PPP4R3A: variants seen among roughly 807,000 people sequenced by gnomAD.
The protein encoded by PPP4R3A is serine/threonine-protein phosphatase 4 regulatory subunit 3A.
Under a neutral mutation model 91.7 loss-of-function variants are expected in PPP4R3A, and 15 were observed. That is an observed-to-expected ratio of 0.16 (90% CI 0.11 to 0.25). PPP4R3A has a LOEUF of 0.25. PPP4R3A is among the 10% of genes least tolerant of loss of function. The probability of loss-of-function intolerance (pLI) is 1.00; values close to 1 mark genes in which losing one functional copy is unlikely to be tolerated. For synonymous variants in PPP4R3A, 377 were observed against 348.7 expected, an observed-to-expected ratio of 1.08 and a Z score of -0.91; for missense variants, 623 against 998.4, an observed-to-expected ratio of 0.62 and a Z score of 5.07.
intron 4 of PPP4R3A, among the ~76,000 whole-genome samples, chr14:91,479,258 T>A (rs912673190): frequency 2.0e-5 from 3 of 151,766 alleles, no homozygotes; most frequent in Admixed American, 2.0e-4. Flanking sequence ...CCTATTATTC[T>A]TACAATACCA....
At chr14:91,496,961 A>G (rs1244553953) in intron 1 of PPP4R3A, among the ~76,000 whole-genome samples, 1 of 152,124 alleles carries the variant, frequency 6.6e-6, no homozygotes, top group Non-Finnish European at 1.5e-5. Flanking sequence ...AATTAACACA[A>G]TCCTTACCCC....
At chr14:91,465,732 T>C (rs1412392510) in intron 10 of PPP4R3A, among the ~76,000 whole-genome samples, 1 of 152,180 alleles carries the variant, frequency 6.6e-6, no homozygotes, top group Non-Finnish European at 1.5e-5. Flanking sequence ...GACAAATGAA[T>C]GAACCTATCA....
chr14:91,470,377 C>T (rs967795369), intron 10 of PPP4R3A, among the ~76,000 whole-genome samples: 1 of 152,170 alleles, frequency 6.6e-6, no homozygotes, highest in Non-Finnish European at 1.5e-5. Context: ...AAAGAGTCTA[C>T]AAACGTTTTC....
At chr14:91,503,738 AAAG>A in intron 1 of PPP4R3A, among the ~76,000 whole-genome samples, 1 of 152,210 alleles carries the variant, frequency 6.6e-6, no homozygotes, top group Admixed American at 6.5e-5. Flanking sequence ...AGAAAAAACA[AAAG>A]AAAGAAAAGT....
Position 91,461,478 on chromosome 14 carries a change from A to G in PPP4R3A, c.2294T>C (p.Leu765Pro), listed in dbSNP as rs371876416. The G allele has an allele frequency of 2.7e-5, 44 of 1,614,092 alleles. No homozygotes were observed. In the African/African-American group the frequency reaches 5.3e-4, roughly 20 times the overall value. The change falls in exon 14 of 15, where the codon CTG becomes CCG. Residue 765 changes from leucine to proline, a missense_variant. Leu to Pro is a moderately conservative substitution (Grantham distance 98, BLOSUM62 -3). Transcript: ENST00000554943. ...TCCAGGTGATCCCGGAGAACCAGGC[A>G]GATTTGTTGTAGATGACTGGCTGGT... is the stretch of plus-strand genomic sequence containing the variant. ...NLTSQSSTTNLPGSPGSPGSP... is the reference protein window; with the variant it reads ...NLTSQSSTTNPPGSPGSPGSP...
At chr14:91,510,532 C>T (rs1891743573), upstream of PPP4R3A, 1 of 152,298 alleles carries the variant, frequency 6.6e-6, no homozygotes, top group Admixed American at 6.5e-5. Context: ...CACGCACCGT[C>T]GTGCGAGCGC....
At chr14:91,500,982 T>C (rs1890910662) in intron 1 of PPP4R3A, among the ~76,000 whole-genome samples, 2 of 152,164 alleles carry the variant, frequency 1.3e-5, no homozygotes, top group African/African-American at 4.8e-5. Context: ...CAATGAGCTA[T>C]GATCACACCA....
intron 1 of PPP4R3A, among the ~76,000 whole-genome samples, chr14:91,502,474 A>G (rs956970856): frequency 6.6e-6 from 1 of 152,158 alleles, no homozygotes; most frequent in African/African-American, 2.4e-5. Flanking sequence ...ACCGACACTG[A>G]GCTCTTCTTG....
chr14:91,461,342 T>A lies in PPP4R3A; in HGVS notation c.2391+39A>T, dbSNP rs768269254. 1.9e-6 allele frequency: 3 copies of A among 1,566,872 alleles called. No homozygotes were observed. The East Asian group carries it at 6.8e-5, about 36-fold the overall frequency. On this transcript the variant is annotated intron_variant, in intron 14 of 14. Coordinates refer to ENST00000554943, the MANE Select transcript of PPP4R3A (RefSeq NM_001366432.2). The stretch of plus-strand genomic sequence containing the variant: ...AAAATTATTGTTGAGAAAGCTTCAA[T>A]TGGGAAAAAAGGGGGCAAAATGGGA...
intron 10 of PPP4R3A, chr14:91,466,244 C>T: frequency 1.0e-6 from 1 of 985,668 alleles, no homozygotes; most frequent in Non-Finnish European, 1.2e-6. Flanking sequence ...GTAAACAGTG[C>T]AAAAAAGCAT....
At chr14:91,493,547 A>G (rs749930481) in intron 1 of PPP4R3A, among the ~76,000 whole-genome samples, 1 of 150,402 alleles carries the variant, frequency 6.6e-6, no homozygotes, top group Non-Finnish European at 1.5e-5. Flanking sequence ...TAATCCCAGC[A>G]CTTTGGGAGG....
chr14:91,494,353 C>A (rs1440717887), intron 1 of PPP4R3A, among the ~76,000 whole-genome samples: 1 of 151,960 alleles, frequency 6.6e-6, no homozygotes, highest in Non-Finnish European at 1.5e-5. Flanking sequence ...ACAATACCAT[C>A]AAGTAAAAAG....
intron 13 of PPP4R3A, chr14:91,461,830 C>A: frequency 1.2e-5 from 11 of 895,838 alleles, no homozygotes; most frequent in Non-Finnish European, 1.8e-5. Context: ...AGTATCCCTA[C>A]CCTTCCTGAA....
intron 4 of PPP4R3A, among the ~76,000 whole-genome samples, chr14:91,477,896 G>A (rs765378757): frequency 3.3e-5 from 5 of 152,192 alleles, no homozygotes; most frequent in Non-Finnish European, 5.9e-5. Flanking sequence ...CAATCCACTG[G>A]CCTGGGCCTC....
chr14:91,485,373 A>C (rs1270738266), intron 3 of PPP4R3A, among the ~76,000 whole-genome samples: 1 of 152,212 alleles, frequency 6.6e-6, no homozygotes, highest in Admixed American at 6.5e-5. Flanking sequence ...TTGGAGTACT[A>C]AATTTGAGAT....
intron 14 of PPP4R3A, among the ~76,000 whole-genome samples, chr14:91,459,362 T>C (rs1369373926): frequency 6.6e-6 from 1 of 152,144 alleles, no homozygotes; most frequent in African/African-American, 2.4e-5. Flanking sequence ...TACCTTGGAC[T>C]CCCAAAGTGC....
chr14:91,491,834 C>A (rs1264779183), intron 1 of PPP4R3A, among the ~76,000 whole-genome samples: 2 of 152,232 alleles, frequency 1.3e-5, no homozygotes, highest in Non-Finnish European at 2.9e-5. Flanking sequence ...CAACCTCCAC[C>A]TTCTGGGTAG....
At position 91,500,817 on chromosome 14, in the gene PPP4R3A, T is replaced by G. The variant is rs898601145; in HGVS notation, c.142+8689A>C. On this transcript the variant is annotated intron_variant, in intron 1 of 14. Coordinates refer to ENST00000554943, the MANE Select transcript of PPP4R3A (RefSeq NM_001366432.2). ...TGGGTGGATCACTGGAGGCCAAGAA[T>G]TGGAGACCAGCTCAAGACCAGCCCG... Among the ~76,000 whole-genome samples the G allele has an allele frequency of 3.3e-5, 5 of 152,104 alleles. No individual in the cohort carries two copies. The East Asian group carries it at 9.7e-4, about 29-fold the overall frequency.
chr14:91,476,881 A>G, intron 5 of PPP4R3A, 28 bp downstream of exon 5: 1 of 1,548,104 alleles, frequency 6.5e-7, no homozygotes, highest in Non-Finnish European at 8.8e-7. Flanking sequence ...TTTTATTTTT[A>G]TGCCTTTCAT....
Sources: gnomAD v4.1 joint callset for allele counts (sites outside exome capture counted in the v4.1 genomes callset) on GRCh38, gnomAD v4.1.1 for gene constraint, MANE v1.5 for transcripts, NCBI Gene and HGNC (gene_info 2026-07-23, HGNC 2026-07-21) for gene names.